The following BRF1 variants were observed in gnomAD, a reference collection of about 807,000 sequenced individuals.
BRF1 encodes BRF1 general transcription factor IIIB subunit, also known as transcription factor IIIB 90 kDa subunit.
Under a neutral mutation model 81.7 loss-of-function variants are expected in BRF1, and 59 were observed. That is an observed-to-expected ratio of 0.72 (90% CI 0.59 to 0.90). The LOEUF (loss-of-function observed/expected upper bound fraction) is 0.90, where lower values mean the gene tolerates loss of function less well. Ranked by LOEUF, BRF1 falls within the 40% of genes least tolerant of loss-of-function variation. The pLI is 0.00. For synonymous variants in BRF1, 491 were observed against 395.6 expected (o/e 1.24, Z -2.86); for missense variants, 1,050 against 936.3 (o/e 1.12, Z -1.58).
At chr14:105,248,357 G>A (rs2055269648) in intron 5 of BRF1, 8 of 985,488 alleles carry the variant, frequency 8.1e-6, no homozygotes, top group Non-Finnish European at 9.6e-6. Context: ...ACCTGCGCAT[G>A]GCACTGCGGG....
rs1163497728 is a variant in BRF1, at chr14:105,269,464, A to G, written c.439+3257T>C. On this transcript the variant is annotated intron_variant, in intron 3 of 17. Coordinates refer to ENST00000547530, the MANE Select transcript of BRF1 (RefSeq NM_001519.4). The surrounding 1 kb of genome is among the most constrained non-coding windows in gnomAD (Gnocchi z 5.0). Reference sequence around the variant, plus strand: ...GTGCACCGGGCAGTGGGTTTTCGTAAATCCCCAGAGCTGAGCAACCACCAC... The same window carrying G: ...GTGCACCGGGCAGTGGGTTTTCGTAGATCCCCAGAGCTGAGCAACCACCAC... Among the ~76,000 whole-genome samples the G allele has an allele frequency of 3.3e-5, 5 of 152,078 alleles. No individual in the cohort carries two copies. The highest frequency in any genetic ancestry group is 7.4e-5 in the Non-Finnish European group (5 of 68,016).
intron 6 of BRF1, 81 bp from the exon 7 acceptor site, chr14:105,228,994 G>C: frequency 3.1e-6 from 4 of 1,289,028 alleles, no homozygotes; most frequent in East Asian, 2.3e-5. Flanking sequence ...CAACACTGCG[G>C]ATCCCGGTCA....
intron 10 of BRF1, among the ~76,000 whole-genome samples, chr14:105,223,656 A>G (rs1198035809): frequency 6.6e-6 from 1 of 152,186 alleles, no homozygotes; most frequent in African/African-American, 2.4e-5. Context: ...GGGGGTGGTG[A>G]CCAAGGGCCT....
intron 5 of BRF1, chr14:105,249,569 T>G: frequency 6.3e-7 from 1 of 1,586,872 alleles, no homozygotes; most frequent in Non-Finnish European, 8.6e-7. Context: ...GCTGATGGAC[T>G]CCTCTCCCAG....
chr14:105,219,295 C>A, intron 12 of BRF1, 63 bp from the exon 13 acceptor site: 1 of 1,595,404 alleles, frequency 6.3e-7, no homozygotes, highest in South Asian at 1.1e-5. Flanking sequence ...ATGCTAAGGT[C>A]GCGCTGGCCA....
Position 105,210,043 on chromosome 14 carries a change from A to G in BRF1, c.*508T>C. Reference sequence around the variant, plus strand: ...CTCAAGTGCCAGATCCTCAGCTCCCACGGCTGCGCCGGACACCTGCAGGGC... The same window carrying G: ...CTCAAGTGCCAGATCCTCAGCTCCCGCGGCTGCGCCGGACACCTGCAGGGC... On this transcript the variant is annotated 3_prime_UTR_variant, in exon 18 of 18. Coordinates refer to ENST00000547530, the MANE Select transcript of BRF1 (RefSeq NM_001519.4). This position sits in a 1 kb window ranked among gnomAD's most constrained non-coding sequence, Gnocchi z 4.7. The G allele has an allele frequency of 4.5e-6, 1 of 223,146 alleles. No individual in the cohort carries two copies. Among genetic ancestry groups the G allele is most frequent in the East Asian group, 1.0e-4 (1 of 9,528 alleles). 13.8% of individuals were successfully genotyped at this position (223,146 alleles called of 1,614,324 possible).
At chr14:105,259,228 G>A (rs1417109948) in intron 3 of BRF1, among the ~76,000 whole-genome samples, 2 of 152,056 alleles carry the variant, frequency 1.3e-5, no homozygotes, top group Non-Finnish European at 2.9e-5. Context: ...CAGATCACCA[G>A]AGCCCAGGAG....
At chr14:105,214,531 TCAGCTGCCCACACCCCTGAGTGGCC>T (rs1566795355) in intron 15 of BRF1, among the ~76,000 whole-genome samples, 5 of 54,634 alleles carry the variant, frequency 9.2e-5, no homozygotes, top group African/African-American at 4.5e-4. Flanking sequence ...CCTGCGTGGC[TCAGCTGCCCACACCCCTGAGTGGCC>T]CAGCTCAGGT....
intron 1 of BRF1, among the ~76,000 whole-genome samples, chr14:105,295,996 G>A (rs907750646): frequency 2.1e-5 from 3 of 145,374 alleles, no homozygotes; most frequent in African/African-American, 7.8e-5. Context: ...CAGGAGAATC[G>A]CTTGAACCCA....
At chr14:105,249,103 GGCCCCCGCGCCCGCGCGCGCCCAC>G (rs2055392565) in intron 5 of BRF1, 2 of 1,492,924 alleles carry the variant, frequency 1.3e-6, no homozygotes, top group Non-Finnish European at 8.9e-7. Context: ...CGTGCCCCGC[GGCCCCCGCGCCCGCGCGCGCCCAC>G]GCCCCCAGCC....
chr14:105,303,985 C>G (rs1202619403), upstream of BRF1, among the ~76,000 whole-genome samples: 1 of 152,232 alleles, frequency 6.6e-6, no homozygotes, highest in Non-Finnish European at 1.5e-5. Context: ...GCCACTGGAT[C>G]CTTGCTCTCA....
chr14:105,219,833 A>G (rs1891973691), intron 12 of BRF1: 4 of 579,632 alleles, frequency 6.9e-6, no homozygotes, highest in Non-Finnish European at 6.2e-6. Flanking sequence ...CGAGGGCCGC[A>G]AGGACCAGGC....
rs139918013 is a variant in BRF1, at chr14:105,266,876, G to A, written c.439+5845C>T. On this transcript the variant is annotated intron_variant, in intron 3 of 17. Coordinates refer to ENST00000547530, the MANE Select transcript of BRF1 (RefSeq NM_001519.4). ...TTGGACAATACAGCAAAACCCCGTC[G>A]CCACAAAAAGTACAAAAATTAGCCA... Among the ~76,000 whole-genome samples, 243 of 152,020 alleles carry A rather than the reference G, an allele frequency of 1.6e-3. 1 individual carries two copies. The highest frequency in any genetic ancestry group is 3.4e-3 in the Middle Eastern group (1 of 294).
intron 5 of BRF1, chr14:105,248,887 A>C (rs1027288092): frequency 3.0e-6 from 3 of 984,502 alleles, no homozygotes; most frequent in African/African-American, 3.6e-5. Context: ...GCGGAACTCT[A>C]CGCTCCCGCC....
At chr14:105,255,536 G>A (rs2055825854) in intron 4 of BRF1, among the ~76,000 whole-genome samples, 1 of 152,202 alleles carries the variant, frequency 6.6e-6, no homozygotes, top group Non-Finnish European at 1.5e-5. Context: ...AGCTCCCTTT[G>A]AGGAGTGAAA....
chr14:105,249,295 C>T, intron 5 of BRF1: 1 of 1,575,134 alleles, frequency 6.3e-7, no homozygotes, highest in Non-Finnish European at 8.6e-7. Context: ...TCCGCCCCGT[C>T]CGCCGTGTGG....
intron 3 of BRF1, among the ~76,000 whole-genome samples, chr14:105,257,371 C>T (rs960471409): frequency 3.9e-5 from 6 of 152,288 alleles, no homozygotes; most frequent in East Asian, 1.9e-4. Context: ...AGCCCCACCA[C>T]GCAAGAACCT....
rs148993648 is a variant in BRF1, at chr14:105,284,924, A to T, written c.265+1372T>A. Among the ~76,000 whole-genome samples, 492 of 152,384 alleles carry T rather than the reference A, an allele frequency of 3.2e-3. 3 individuals carry two copies. The highest frequency in any genetic ancestry group is 0.014 in the East Asian group (75 of 5,196). On this transcript the variant is annotated intron_variant, in intron 2 of 17. Coordinates refer to ENST00000547530, the MANE Select transcript of BRF1 (RefSeq NM_001519.4). The surrounding 1 kb of genome is among the most constrained non-coding windows in gnomAD (Gnocchi z 4.0). Reference sequence around the variant, plus strand: ...GAGTTCAGCCAGGCTGCAAGATACAAGATCAATACATATCAACTGAGACTA... The same window carrying T: ...GAGTTCAGCCAGGCTGCAAGATACATGATCAATACATATCAACTGAGACTA...
chr14:105,229,380 C>T (rs899677599), intron 6 of BRF1, among the ~76,000 whole-genome samples: 17 of 152,238 alleles, frequency 1.1e-4, no homozygotes, highest in African/African-American at 3.9e-4. Flanking sequence ...GATGGAACGG[C>T]TTCTCAGGTG....
Sources: gnomAD v4.1 joint callset for allele counts (sites outside exome capture counted in the v4.1 genomes callset) on GRCh38, gnomAD v4.1.1 for gene constraint, Gnocchi (gnomAD v3.1) non-coding constraint, MANE v1.5 for transcripts, NCBI Gene and HGNC (gene_info 2026-07-23, HGNC 2026-07-21) for gene names.